IGFN1: variants seen among roughly 807,000 people sequenced by gnomAD.
IGFN1 encodes the protein immunoglobulin-like and fibronectin type III domain-containing protein 1.
A neutral mutation model predicts 289.5 loss-of-function variants in IGFN1; 253 were observed. That is an observed-to-expected ratio of 0.87 (90% CI 0.79 to 0.97). IGFN1 has a LOEUF of 0.97. Ranked by LOEUF, IGFN1 falls within the 50% of genes least tolerant of loss-of-function variation. The probability of loss-of-function intolerance (pLI) is 0.00; values close to 1 mark genes in which losing one functional copy is unlikely to be tolerated. For missense variants in IGFN1, 4,470 were observed against 4,686.1 expected, an observed-to-expected ratio of 0.95 and a Z score of 1.35; for synonymous variants, 1,706 against 1,788.5, an observed-to-expected ratio of 0.95 and a Z score of 1.16.
At chr1:201,196,122 C>T (rs1666908816) in intron 4 of IGFN1, 144 bp downstream of exon 4, 8 of 808,872 alleles carry the variant, frequency 9.9e-6, no homozygotes. Context: ...TCTCGTGACT[C>T]AAAGTTGCCT....
rs1379779808 is a variant in IGFN1 at position 201,217,668 on chromosome 1, C to T, written c.9769+208C>T. ...AGAGGTCGGGGATGCTGCAAAACCT[C>T]CTACAGTATACAGGACAGAGCCCAC... is the stretch of plus-strand genomic sequence containing the variant. On this transcript the variant is annotated intron_variant, in intron 17 of 23. Transcript: ENST00000335211. 2.0e-5 allele frequency among the ~76,000 whole-genome samples: 3 copies of T among 152,292 alleles called. No individual in the cohort carries two copies. In the East Asian group the frequency reaches 5.8e-4, roughly 29 times the overall value.
intron 5 of IGFN1, among the ~76,000 whole-genome samples, chr1:201,198,591 A>AT (rs975448281): frequency 2.0e-5 from 3 of 150,792 alleles, no homozygotes; most frequent in Admixed American, 6.6e-5. Context: ...CACCCAGCTA[A>AT]TTTTTTTATT....
rs367784239 is a variant in IGFN1 at position 201,225,972 on chromosome 1, C to G, written c.10635C>G (p.His3545Gln). The change falls in exon 22 of 24, where the codon CAC becomes CAG. Residue 3545 changes from histidine to glutamine, a missense_variant. Physicochemically the swap from His to Gln is conservative, Grantham distance 24. Transcript: ENST00000335211. Reference protein sequence around the residue: ...FTRSSAHGPWHEAADRIHTNR... With the variant: ...FTRSSAHGPWQEAADRIHTNR... ...GCTCCTCAGCGCACGGTCCCTGGCA[C>G]GAGGCAGCCGACCGCATCCACACCA... 2 of 1,576,320 alleles carry G rather than the reference C, an allele frequency of 1.3e-6. No individual in the cohort carries two copies. The highest frequency in any genetic ancestry group is 1.7e-6 in the Non-Finnish European group (2 of 1,158,784).
At chr1:201,219,662 A>G (rs950568232) in intron 18 of IGFN1, among the ~76,000 whole-genome samples, 2 of 152,270 alleles carry the variant, frequency 1.3e-5, no homozygotes, top group Non-Finnish European at 2.9e-5. Context: ...CACTTGACGG[A>G]TGGGCCAGGT....
Position 201,199,321 on chromosome 1 carries a change from C to A in IGFN1, c.368-13C>A. The A allele has an allele frequency of 1.3e-6, 2 of 1,551,814 alleles. No homozygotes were observed. The highest frequency in any genetic ancestry group is 1.2e-5 in the South Asian group (1 of 84,044). ...CCACATCGACTCCTTCCTCTCCTCC[C>A]TGGATGTTGCAGTTGGCTTTCGGAA... On this transcript the variant is annotated splice_polypyrimidine_tract_variant and intron_variant, in intron 5 of 23. Transcript: ENST00000335211.
chr1:201,216,352 G>A, intron 15 of IGFN1, 102 bp from the exon 16 acceptor site: 1 of 920,514 alleles, frequency 1.1e-6, no homozygotes, highest in Non-Finnish European at 1.6e-6. Context: ...AGTGGATGGG[G>A]GTGGGGGGGA....
Position 201,225,813 on chromosome 1 carries a change from C to T in IGFN1, c.10487-11C>T. 6.2e-7 allele frequency: 1 copy of T among 1,601,446 alleles called. No individual in the cohort carries two copies. Among genetic ancestry groups the T allele is most frequent in the African/African-American group, 1.3e-5 (1 of 74,558 alleles). ...CCTCCACGTGACCTCCCTCTGCCGT[C>T]TCTCCTGAAGCATGCCCGCAGGCCC... On this transcript the variant is annotated splice_polypyrimidine_tract_variant and intron_variant, in intron 21 of 23. Coordinates refer to ENST00000335211, the MANE Select transcript of IGFN1 (RefSeq NM_001164586.2).
At chr1:201,218,424 T>C in intron 17 of IGFN1, 106 bp from the exon 18 acceptor site, 1 of 1,065,546 alleles carries the variant, frequency 9.4e-7, no homozygotes, top group Non-Finnish European at 1.4e-6. Flanking sequence ...GGGAGGGATG[T>C]GTTAGGACCC....
rs1667807024 is a variant in IGFN1, at chr1:201,211,632, G to A, written c.6739G>A (p.Glu2247Lys). Residue 2247 changes from glutamate (E) to lysine (K), a missense_variant, in exon 12 of 24, where the codon GAG (glutamate) becomes AAG (lysine). Physicochemically the swap from Glu to Lys is moderately conservative, Grantham distance 56 (BLOSUM62 1). Around this residue, in one of 8 missense-constraint regions of IGFN1, gnomAD observed 2,218 missense variants for 2,114.1 expected, o/e 1.05. Coordinates refer to ENST00000335211, the MANE Select transcript of IGFN1 (RefSeq NM_001164586.2). ...TTCTGGGGAAATGGGGTCAATGGAT[G>A]AGGCAGATTATAGGAAGGATTTGGG... ...GSSGEMGSMD[E>K]ADYRKDLGAP... 6.5e-7 allele frequency: 1 copy of A among 1,536,794 alleles called. No homozygotes were observed. The highest frequency in any genetic ancestry group is 8.7e-7 in the Non-Finnish European group (1 of 1,146,758).
At chr1:201,220,251 C>T (rs1431693536) in intron 18 of IGFN1, among the ~76,000 whole-genome samples, 3 of 151,856 alleles carry the variant, frequency 2.0e-5, no homozygotes, top group South Asian at 2.1e-4. Flanking sequence ...GATGCAATCT[C>T]GGCTCACTGC....
intron 20 of IGFN1, among the ~76,000 whole-genome samples, chr1:201,223,350 T>TTATA (rs953926374): frequency 1.6e-4 from 3 of 18,220 alleles, no homozygotes; most frequent in African/African-American, 7.9e-4. Context: ...TGGACAAATA[T>TTATA]TATTTATTTA....
Position 201,194,354 on chromosome 1 carries a change from C to T in IGFN1, c.127+81C>T, listed in dbSNP as rs987375159. ...CAGGGGAGAGGGCTGGGGCACCAAC[C>T]TTCCTGGGGACCCAGGCCCTATATC... On this transcript the variant is annotated intron_variant, in intron 3 of 23. Coordinates refer to ENST00000335211, the MANE Select transcript of IGFN1 (RefSeq NM_001164586.2). 1.6e-5 allele frequency: 23 copies of T among 1,472,656 alleles called. No homozygotes were observed. The African/African-American group carries it at 2.8e-4, about 18-fold the overall frequency. The allele number at this position is 1,472,656 out of a possible 1,614,324, so 91.2% of individuals were successfully genotyped here.
chr1:201,226,635 TTGATTCTC>T (rs1432646323), intron 22 of IGFN1, among the ~76,000 whole-genome samples: 1 of 152,194 alleles, frequency 6.6e-6, no homozygotes, highest in Non-Finnish European at 1.5e-5. Flanking sequence ...TCTTTCTCCT[TTGATTCTC>T]TGTGTATTCT....
At position 201,207,941 on chromosome 1, in the gene IGFN1, T is replaced by C. The variant is rs760981649; in HGVS notation, c.3048T>C (p.Pro1016=). ...GGTACAGGCATGGCTCCGGAGCGCC[T>C]GGGGGAGTGTGGTCTGGAAATGAAG... The part of the protein sequence containing the change: ...GGGYRHGSGA[P]GGVWSGNEDS... Residue 1016 remains proline, a synonymous_variant, in exon 12 of 24, where the codon CCT becomes CCC. Coordinates refer to ENST00000335211, the MANE Select transcript of IGFN1 (RefSeq NM_001164586.2). The C allele has an allele frequency of 5.2e-6, 8 of 1,536,304 alleles. 1 individual carries two copies. The South Asian group carries it at 9.5e-5, about 18-fold the overall frequency.
chr1:201,214,123 G>A lies in IGFN1; in HGVS notation c.8729-54G>A, dbSNP rs529421887. ...CCATGGTGGCCTTGCGGGGCACAGC[G>A]CAGGCCATGGCCTGGGGCGCTCGGC... On this transcript the variant is annotated intron_variant, in intron 12 of 23. Coordinates refer to ENST00000335211, the MANE Select transcript of IGFN1 (RefSeq NM_001164586.2). 4.6e-5 allele frequency: 70 copies of A among 1,523,636 alleles called. 1 individual carries two copies. The East Asian group carries it at 4.8e-4, about 10-fold the overall frequency. The allele number at this position is 1,523,636 out of a possible 1,614,324, so 94.4% of individuals were successfully genotyped here. A position where few individuals can be genotyped will look rare whatever the true frequency, so the allele number is the denominator to read the frequency against.
Position 201,225,882 on chromosome 1 carries a change from G to C in IGFN1, c.10545G>C (p.Thr3515=). ...HLQENVPGTV[T]AEWEPSPDEA... is the part of the protein sequence containing the mutation. ...AGGAGAACGTGCCTGGGACGGTGAC[G>C]GCCGAGTGGGAACCCTCTCCTGACG... The change falls in exon 22 of 24, where the codon ACG becomes ACC. Residue 3515 remains threonine (T), a synonymous_variant. Coordinates refer to ENST00000335211, the MANE Select transcript of IGFN1 (RefSeq NM_001164586.2). 5 of 1,612,916 alleles carry C rather than the reference G, an allele frequency of 3.1e-6. No homozygotes were observed. In the South Asian group the frequency reaches 5.5e-5, roughly 18 times the overall value.
At chr1:201,201,617 A>G (rs1403470691) in intron 8 of IGFN1, 102 bp from the exon 9 acceptor site, 2 of 642,470 alleles carry the variant, frequency 3.1e-6, no homozygotes, top group Non-Finnish European at 5.6e-6. Flanking sequence ...GCTCATCTGG[A>G]ACGCTGTGGG....
At chr1:201,193,200 T>G (rs1572157665) in intron 1 of IGFN1, 47 bp from the exon 2 acceptor site, 1 of 931,194 alleles carries the variant, frequency 1.1e-6, no homozygotes, top group Non-Finnish European at 1.7e-6. Flanking sequence ...AGGGGTGGGG[T>G]GAGACCAGCC....
rs184567485 is a variant in IGFN1, at chr1:201,192,362, G to A, written c.-47-885G>A. On this transcript the variant is annotated intron_variant, in intron 1 of 23. Coordinates refer to ENST00000335211, the MANE Select transcript of IGFN1 (RefSeq NM_001164586.2). The stretch of plus-strand genomic sequence containing the variant: ...CATGGGCCAATCGCACAGAGGGTGG[G>A]ACTGCTGGAAGATTCTTTCAAGACA... Among the ~76,000 whole-genome samples the A allele has an allele frequency of 1.8e-3, 276 of 152,348 alleles. 1 individual carries two copies. Among genetic ancestry groups the A allele is most frequent in the Non-Finnish European group, 3.7e-3 (249 of 68,042 alleles).
Sources: allele counts gnomAD v4.1 joint callset (sites outside exome capture counted in the v4.1 genomes callset), GRCh38; gene constraint gnomAD v4.1.1; regional missense constraint gnomAD v4.1.1; transcripts MANE v1.5; gene names NCBI Gene and HGNC (gene_info 2026-07-23, HGNC 2026-07-21).